Variants in DCLK1 observed in about 807,000 individuals in gnomAD.
The protein encoded by DCLK1 is doublecortin like kinase 1.
Under a neutral mutation model 86.2 loss-of-function variants are expected in DCLK1, and 16 were observed. The observed-to-expected ratio is 0.19, with a 90% confidence interval of 0.13 to 0.28. DCLK1 has a LOEUF of 0.28. Among genes scored for constraint, DCLK1 ranks in the 10% least tolerant of loss-of-function variants. The probability of loss-of-function intolerance (pLI) is 1.00; values close to 1 mark genes in which losing one functional copy is unlikely to be tolerated. For missense variants in DCLK1, 590 were observed against 940.2 expected (o/e 0.63, Z 4.87); for synonymous variants, 369 against 370.5 (o/e 1.00, Z 0.05).
At chr13:36,100,108 T>A (rs1216650684) in intron 3 of DCLK1, among the ~76,000 whole-genome samples, 1 of 135,010 alleles carries the variant, frequency 7.4e-6, no homozygotes, top group Non-Finnish European at 1.5e-5. Context: ...TTTGGGAGGC[T>A]GAGGCAGGAG....
intron 3 of DCLK1, among the ~76,000 whole-genome samples, chr13:35,955,896 G>T (rs530067634): frequency 2.0e-5 from 3 of 152,086 alleles, no homozygotes; most frequent in Non-Finnish European, 4.4e-5. Context: ...GAGTGATTTG[G>T]GGCTATTATT....
intron 8 of DCLK1, 47 bp from the exon 9 acceptor site, chr13:35,828,354 T>G (rs756401321): frequency 2.0e-6 from 3 of 1,482,874 alleles, no homozygotes; most frequent in Non-Finnish European, 2.8e-6. Flanking sequence ...TAACTTCAAA[T>G]CTATTGAATT....
intron 4 of DCLK1, among the ~76,000 whole-genome samples, chr13:35,946,749 A>G (rs950773675): frequency 5.3e-5 from 8 of 152,248 alleles, no homozygotes; most frequent in African/African-American, 1.9e-4. Flanking sequence ...TATCAAAAAT[A>G]TCATTCTTAA....
chr13:35,857,507 ACT>A (rs1313064346), intron 5 of DCLK1, among the ~76,000 whole-genome samples: 1 of 151,494 alleles, frequency 6.6e-6, no homozygotes, highest in African/African-American at 2.4e-5. Context: ...CCCACCCTGA[ACT>A]CTCTCTCTCA....
chr13:36,017,351 A>G (rs1047081927), intron 3 of DCLK1, among the ~76,000 whole-genome samples: 1 of 152,224 alleles, frequency 6.6e-6, no homozygotes, highest in African/African-American at 2.4e-5. Flanking sequence ...GCAAAATGTC[A>G]TTTAGACTGA....
intron 3 of DCLK1, among the ~76,000 whole-genome samples, chr13:35,978,660 G>A (rs1389355714): frequency 6.6e-6 from 1 of 151,936 alleles, no homozygotes; most frequent in Non-Finnish European, 1.5e-5. Context: ...AATAGAATTT[G>A]AACACTCTCA....
At chr13:35,802,668 A>C (rs757551694) in intron 15 of DCLK1, among the ~76,000 whole-genome samples, 5 of 152,212 alleles carry the variant, frequency 3.3e-5, no homozygotes, top group Non-Finnish European at 7.3e-5. Flanking sequence ...ACCATGAAAA[A>C]AGCCACCATT....
chr13:35,798,226 G>T (rs1401950934), intron 15 of DCLK1, among the ~76,000 whole-genome samples: 2 of 152,160 alleles, frequency 1.3e-5, no homozygotes, highest in Non-Finnish European at 2.9e-5. Context: ...CTGTGGGGAG[G>T]CTTGTGGGGG....
At chr13:35,990,505 C>G (rs908799751) in intron 3 of DCLK1, among the ~76,000 whole-genome samples, 1 of 152,040 alleles carries the variant, frequency 6.6e-6, no homozygotes, top group Non-Finnish European at 1.5e-5. Flanking sequence ...TACCTCTCCA[C>G]CCCAGGTCAT....
chr13:36,005,173 T>C (rs1388390671), intron 3 of DCLK1, among the ~76,000 whole-genome samples: 2 of 152,174 alleles, frequency 1.3e-5, no homozygotes, highest in Non-Finnish European at 2.9e-5. Context: ...AACTTTCACA[T>C]GTGTCCTGAA....
chr13:35,978,750 CAA>C (rs1052552747), intron 3 of DCLK1, among the ~76,000 whole-genome samples: 15 of 152,172 alleles, frequency 9.9e-5, no homozygotes, highest in Admixed American at 6.5e-4. Flanking sequence ...CTTACCCTGA[CAA>C]GAGATTACGT....
At chr13:35,983,659 C>T (rs117020350) in intron 3 of DCLK1, among the ~76,000 whole-genome samples, 3 of 152,182 alleles carry the variant, frequency 2.0e-5, no homozygotes, top group Non-Finnish European at 4.4e-5. Context: ...GGAATGGATA[C>T]CCCATTCTCC....
intron 4 of DCLK1, among the ~76,000 whole-genome samples, chr13:35,901,555 G>C (rs1015020743): frequency 2.7e-5 from 4 of 149,722 alleles, no homozygotes; most frequent in Non-Finnish European, 4.4e-5. Context: ...GTGGCCTTGC[G>C]GGGAGGAAAT....
intron 6 of DCLK1, chr13:35,845,910 C>T: frequency 1.0e-6 from 1 of 984,886 alleles, no homozygotes; most frequent in Non-Finnish European, 1.2e-6. Context: ...GGCAGTTTTT[C>T]CTGTTTATTA....
At chr13:36,114,444 G>A (rs1238952414) in intron 2 of DCLK1, among the ~76,000 whole-genome samples, 1 of 152,164 alleles carries the variant, frequency 6.6e-6, no homozygotes, top group African/African-American at 2.4e-5. Context: ...GTGCTAACAG[G>A]AAAGCAACAG....
intron 4 of DCLK1, among the ~76,000 whole-genome samples, chr13:35,895,125 T>G (rs1873878313): frequency 6.6e-6 from 1 of 152,080 alleles, no homozygotes; most frequent in Non-Finnish European, 1.5e-5. Flanking sequence ...AATTTTTTTG[T>G]AGAGGTGGAA....
intron 4 of DCLK1, among the ~76,000 whole-genome samples, chr13:35,919,200 T>A (rs971463127): frequency 2.6e-5 from 4 of 151,854 alleles, no homozygotes; most frequent in African/African-American, 7.3e-5. Flanking sequence ...CCCCCAAGAG[T>A]TTTAAAACAA....
intron 3 of DCLK1, among the ~76,000 whole-genome samples, chr13:36,063,062 G>A (rs536785489): frequency 2.0e-5 from 3 of 152,134 alleles, no homozygotes; most frequent in Non-Finnish European, 4.4e-5. Flanking sequence ...ACTTGTGTCT[G>A]TTTAATTCAA....
chr13:35,783,472 T>C (rs994922604), intron 16 of DCLK1, among the ~76,000 whole-genome samples: 1 of 152,140 alleles, frequency 6.6e-6, no homozygotes, highest in Non-Finnish European at 1.5e-5. Flanking sequence ...TCGCCCAAGG[T>C]TACTGCAGGA....
Sources: allele counts gnomAD v4.1 joint callset (sites outside exome capture counted in the v4.1 genomes callset), GRCh38; gene constraint gnomAD v4.1.1; transcripts MANE v1.5; gene names NCBI Gene and HGNC (gene_info 2026-07-23, HGNC 2026-07-21).